STMN4: variants seen among roughly 807,000 people sequenced by gnomAD.
STMN4 encodes the protein stathmin 4, also known as stathmin-4.
Under a neutral mutation model 29.1 loss-of-function variants are expected in STMN4, and 12 were observed. The observed-to-expected ratio is 0.41, with a 90% CI of 0.26 to 0.67. The LOEUF (loss-of-function observed/expected upper bound fraction) is 0.67, where lower values mean the gene tolerates loss of function less well. Among genes scored for constraint, STMN4 ranks in the 30% least tolerant of loss-of-function variants. STMN4 has a pLI of 0.30. For missense variants in STMN4, 181 were observed against 262.8 expected (o/e 0.69, Z 2.15); for synonymous variants, 114 against 105.3 (o/e 1.08, Z -0.51).
At position 27,250,349 on chromosome 8, in the gene STMN4, A is replaced by G. The variant is rs144574507; in HGVS notation, c.-78-6548T>C. Among the ~76,000 whole-genome samples the G allele has an allele frequency of 6.5e-3, 997 of 152,304 alleles. 7 individuals are homozygous for G. Among genetic ancestry groups the G allele is most frequent in the African/African-American group, 0.023 (943 of 41,566 alleles). ...TTATTTTTTCATAAATGTGGTTTTC[A>G]TTCTTTCTACAATATTTACTGAGTA... On this transcript the variant is annotated intron_variant, in intron 1 of 6. Transcript: ENST00000350889.
chr8:27,248,141 G>C (rs888577569), intron 1 of STMN4, among the ~76,000 whole-genome samples: 3 of 152,228 alleles, frequency 2.0e-5, no homozygotes, highest in Non-Finnish European at 4.4e-5. Flanking sequence ...GGTTGGTCAA[G>C]AGCCAAGGCC....
chr8:27,240,340 C>G (rs1801433842), intron 5 of STMN4, among the ~76,000 whole-genome samples, 178 bp from the exon 6 acceptor site: 2 of 152,248 alleles, frequency 1.3e-5, no homozygotes, highest in African/African-American at 2.4e-5. Context: ...TCAGAGCCTT[C>G]CACATTCTTT....
Position 27,241,073 on chromosome 8 carries a change from G to C in STMN4, c.380C>G (p.Ala127Gly). The change falls in exon 5 of 7, where the codon GCG (alanine) becomes GGG (glycine). Residue 127 changes from alanine to glycine, a missense_variant. Physicochemically the swap from Ala to Gly is moderately conservative, Grantham distance 60. Coordinates refer to ENST00000350889, the MANE Select transcript of STMN4 (RefSeq NM_030795.4). Reference protein sequence around the residue: ...SLEEIQKKLEAAEERRKYQEA... With the variant: ...SLEEIQKKLEGAEERRKYQEA... ...ATTTACCTTCCTTCGCTCCTCAGCC[G>C]CTTCTAGTTTCTTCTGGATCTCTTC... The C allele has an allele frequency of 6.2e-7, 1 of 1,613,728 alleles. No homozygotes were observed. Among genetic ancestry groups the C allele is most frequent in the South Asian group, 1.1e-5 (1 of 91,052 alleles).
rs776151365 is a variant in STMN4, at chr8:27,240,209, C to T, written c.400-47G>A. 14 of 1,580,442 alleles carry T rather than the reference C, an allele frequency of 8.9e-6. No homozygotes were observed. In the Admixed American group the frequency reaches 2.3e-4, roughly 26 times the overall value. On this transcript the variant is annotated intron_variant, in intron 5 of 6. Transcript: ENST00000350889. ...AGGAGGCCCTTCACAGTGAGTGTGC[C>T]AGGGTTTATTTTCACCATCGTGGCT...
Position 27,241,275 on chromosome 8 carries a change from G to A in STMN4, c.191-13C>T, listed in dbSNP as rs1439418631. The A allele has an allele frequency of 6.2e-7, 1 of 1,614,084 alleles. No individual in the cohort carries two copies. The highest frequency in any genetic ancestry group is 1.1e-5 in the South Asian group (1 of 91,060). On this transcript the variant is annotated splice_polypyrimidine_tract_variant and intron_variant, in intron 4 of 6. Coordinates refer to ENST00000350889, the MANE Select transcript of STMN4 (RefSeq NM_030795.4). ...TCCACCGTGTCTGCTACAGAGGGCA[G>A]AGAAGGGGCTGCTCACGTCCTGAAG...
chr8:27,252,580 C>T (rs573727139), intron 1 of STMN4, among the ~76,000 whole-genome samples: 15 of 152,262 alleles, frequency 9.9e-5, no homozygotes, highest in Admixed American at 2.6e-4. Flanking sequence ...CATGAGCCAC[C>T]GTGCCTGGCC....
At chr8:27,241,023 A>T (rs1801453867) in intron 5 of STMN4, 31 bp downstream of exon 5, 1 of 1,593,274 alleles carries the variant, frequency 6.3e-7, no homozygotes. Flanking sequence ...TTATGCTGAG[A>T]GGGAGGAAAG....
At chr8:27,250,830 C>G (rs892690190) in intron 1 of STMN4, among the ~76,000 whole-genome samples, 1 of 152,172 alleles carries the variant, frequency 6.6e-6, no homozygotes. Flanking sequence ...TCTGAGGAGT[C>G]CTTCTTAGCA....
At position 27,236,181 on chromosome 8, in the gene STMN4, A is replaced by C. The variant is rs1481217222; in HGVS notation, c.*665T>G. On this transcript the variant is annotated 3_prime_UTR_variant, in exon 7 of 7. Transcript: ENST00000350889. ...ACCTCACCCAGGCTCCAGATGCTTG[A>C]ATGGCAGAATTAAGGAAGCAAAGGG... The C allele has an allele frequency of 6.6e-6, 1 of 152,240 alleles. No homozygotes were observed. The highest frequency in any genetic ancestry group is 2.4e-5 in the African/African-American group (1 of 41,472). 9.4% of individuals were successfully genotyped at this position (152,240 alleles called of 1,614,324 possible). A position where few individuals can be genotyped will look rare whatever the true frequency, so the allele number is the denominator to read the frequency against.
At chr8:27,249,204 C>CA (rs1399506148) in intron 1 of STMN4, among the ~76,000 whole-genome samples, 1 of 152,090 alleles carries the variant, frequency 6.6e-6, no homozygotes, top group Non-Finnish European at 1.5e-5. Flanking sequence ...GGAGGGATCT[C>CA]ACGGTGGGAC....
At chr8:27,246,459 A>G (rs1054481953) in intron 1 of STMN4, among the ~76,000 whole-genome samples, 15 of 152,340 alleles carry the variant, frequency 9.8e-5, no homozygotes, top group Non-Finnish European at 1.0e-4. Context: ...GGCTCAGGGA[A>G]GCTAAGTGCC....
intron 4 of STMN4, 33 bp from the exon 5 acceptor site, chr8:27,241,295 C>T: frequency 2.5e-6 from 4 of 1,613,132 alleles, no homozygotes; most frequent in Non-Finnish European, 3.4e-6. Context: ...TGCTCACGTC[C>T]TGAAGAATGC....
At chr8:27,244,246 C>A (rs1350367279) in intron 1 of STMN4, among the ~76,000 whole-genome samples, 2 of 152,146 alleles carry the variant, frequency 1.3e-5, no homozygotes, top group Non-Finnish European at 2.9e-5. Context: ...GTCTTTGGGC[C>A]AATTCTGATA....
At chr8:27,240,900 A>C (rs951175328) in intron 5 of STMN4, among the ~76,000 whole-genome samples, 154 bp downstream of exon 5, 12 of 152,138 alleles carry the variant, frequency 7.9e-5, no homozygotes, top group Admixed American at 3.9e-4. Flanking sequence ...GTTTCCCTCA[A>C]TGGTGTCTCA....
At chr8:27,240,657 A>G (rs1039079392) in intron 5 of STMN4, among the ~76,000 whole-genome samples, 4 of 152,202 alleles carry the variant, frequency 2.6e-5, no homozygotes, top group Admixed American at 2.6e-4. Context: ...TCAAGCCATG[A>G]GAATCCATAG....
intron 1 of STMN4, among the ~76,000 whole-genome samples, chr8:27,253,140 C>A (rs1280572593): frequency 6.6e-6 from 1 of 152,182 alleles, no homozygotes; most frequent in Non-Finnish European, 1.5e-5. Context: ...GAGGAGGAGA[C>A]AAGGAGCCCA....
rs922991065 is a variant in STMN4, at chr8:27,243,797, C to A, written c.-74G>T. ...CTGTCACCAGCTTGGGACGCTGTCA[C>A]CAACCTGAGAAAAGGGGAGGACAGG... On this transcript the variant is annotated 5_prime_UTR_variant, in exon 2 of 7. Coordinates refer to ENST00000350889, the MANE Select transcript of STMN4 (RefSeq NM_030795.4). The A allele has an allele frequency of 6.2e-7, 1 of 1,614,026 alleles. No individual in the cohort carries two copies. Among genetic ancestry groups the A allele is most frequent in the Non-Finnish European group, 8.5e-7 (1 of 1,179,964 alleles).
intron 6 of STMN4, among the ~76,000 whole-genome samples, chr8:27,239,008 C>T (rs1188465103): frequency 6.6e-6 from 1 of 152,258 alleles, no homozygotes; most frequent in Non-Finnish European, 1.5e-5. Context: ...TGAGGGCCGA[C>T]CCAGATCACC....
chr8:27,243,074 C>T (rs542304045), intron 2 of STMN4, among the ~76,000 whole-genome samples: 7 of 152,164 alleles, frequency 4.6e-5, no homozygotes, highest in Non-Finnish European at 1.0e-4. Context: ...AGCATATCCC[C>T]GCCACCCTCT....
Sources: gnomAD v4.1 joint callset for allele counts (sites outside exome capture counted in the v4.1 genomes callset) on GRCh38, gnomAD v4.1.1 for gene constraint, MANE v1.5 for transcripts, NCBI Gene and HGNC (gene_info 2026-07-23, HGNC 2026-07-21) for gene names.